Variants in ADAM12 observed in about 807,000 individuals in gnomAD.
The protein encoded by ADAM12 is disintegrin and metalloproteinase domain-containing protein 12.
ADAM12 carries 70 observed loss-of-function variants against 106.4 expected under a neutral mutation model. The ratio of observed to expected loss-of-function variants is 0.66; its 90% CI spans 0.54 to 0.80. The LOEUF (loss-of-function observed/expected upper bound fraction) is 0.80, where lower values mean the gene tolerates loss of function less well. Among genes scored for constraint, ADAM12 ranks in the 30% least tolerant of loss-of-function variants. The pLI is 0.00. For synonymous variants in ADAM12, 420 were observed against 433.5 expected (o/e 0.97, Z 0.39); for missense variants, 1,010 against 1,171.9 (o/e 0.86, Z 2.02).
At chr10:126,290,117 G>A (rs1339483582) in intron 2 of ADAM12, among the ~76,000 whole-genome samples, 1 of 152,172 alleles carries the variant, frequency 6.6e-6, no homozygotes, top group Non-Finnish European at 1.5e-5. Flanking sequence ...TGCTTACTCT[G>A]AAGGTGCCAG....
In ADAM12 at chr10:126,273,640, G is replaced by A. The variant is rs182364478; in HGVS notation, c.260+5275C>T. ...GGACCAGCCTGGCGTGTCTGTTCCA[G>A]GTCTTGTGAGCATTGAGATGTTTGG... On this transcript the variant is annotated intron_variant, in intron 3 of 22. Transcript: ENST00000448723. 1.3e-3 allele frequency among the ~76,000 whole-genome samples: 198 copies of A among 152,280 alleles called. 1 individual carries two copies. Among genetic ancestry groups the A allele is most frequent in the African/African-American group, 4.6e-3 (190 of 41,570 alleles).
chr10:126,312,888 C>T (rs898746052), intron 2 of ADAM12, among the ~76,000 whole-genome samples: 6 of 152,212 alleles, frequency 3.9e-5, no homozygotes, highest in African/African-American at 1.4e-4. Context: ...ATCGCCAAAG[C>T]TAACAGGTAG....
chr10:126,180,704 T>A (rs1957297255), intron 3 of ADAM12, among the ~76,000 whole-genome samples: 1 of 152,226 alleles, frequency 6.6e-6, no homozygotes, highest in Non-Finnish European at 1.5e-5. Context: ...GCATTGGAAG[T>A]TATCGATCCT....
intron 1 of ADAM12, among the ~76,000 whole-genome samples, chr10:126,352,009 A>C (rs1294122473): frequency 6.6e-6 from 1 of 152,172 alleles, no homozygotes; most frequent in Non-Finnish European, 1.5e-5. Flanking sequence ...CTCCGGCCTC[A>C]AGCCTCAGAA....
chr10:126,384,989 G>T (rs765926025), intron 1 of ADAM12, among the ~76,000 whole-genome samples: 1 of 152,182 alleles, frequency 6.6e-6, no homozygotes, highest in Non-Finnish European at 1.5e-5. Flanking sequence ...TATAAGTTGG[G>T]GGTCCACAAC....
intron 11 of ADAM12, among the ~76,000 whole-genome samples, chr10:126,083,854 A>G (rs3781022): frequency 0.18 from 27,454 of 152,226 alleles, 3,264 homozygotes; most frequent in South Asian, 0.33. Flanking sequence ...GGCTCAAACG[A>G]TAGAACAGAA....
In ADAM12 at chr10:126,013,123, T is replaced by C. The variant is rs895310075; in HGVS notation, c.*4156A>G. On this transcript the variant is annotated 3_prime_UTR_variant, in exon 23 of 23. Coordinates refer to ENST00000448723, the MANE Select transcript of ADAM12 (RefSeq NM_001288973.2). The surrounding 1 kb of genome is among the most constrained non-coding windows in gnomAD (Gnocchi z 4.3). ...ATTATTGGATATTTTAACAATTTTA[T>C]AGTTATTCTTAATTTTTCTCATATG... 2 of 152,216 alleles carry C rather than the reference T, an allele frequency of 1.3e-5. No individual in the cohort carries two copies. The highest frequency in any genetic ancestry group is 2.4e-5 in the African/African-American group (1 of 41,444). The allele number at this position is 152,216 out of a possible 1,614,324, so 9.4% of individuals were successfully genotyped here.
chr10:126,173,745 G>A (rs1229877806), intron 3 of ADAM12, among the ~76,000 whole-genome samples: 1 of 152,010 alleles, frequency 6.6e-6, no homozygotes, highest in Non-Finnish European at 1.5e-5. Flanking sequence ...GAGGAGTATA[G>A]CAGAGTCTGC....
At chr10:126,197,941 C>A (rs565149569) in intron 3 of ADAM12, among the ~76,000 whole-genome samples, 11 of 152,224 alleles carry the variant, frequency 7.2e-5, no homozygotes, top group Admixed American at 2.6e-4. Context: ...ACATCACCTC[C>A]GTGAACTGCA....
chr10:126,083,409 G>C (rs913483642), intron 11 of ADAM12, among the ~76,000 whole-genome samples: 1 of 152,220 alleles, frequency 6.6e-6, no homozygotes, highest in African/African-American at 2.4e-5. Context: ...CAGGGCCTCT[G>C]GGCAGCCTCA....
intron 3 of ADAM12, among the ~76,000 whole-genome samples, chr10:126,251,119 C>G (rs1251859336): frequency 1.3e-5 from 2 of 152,196 alleles, no homozygotes; most frequent in Non-Finnish European, 2.9e-5. Context: ...GGGGTAGGAA[C>G]ATGACCAGAT....
At chr10:126,238,487 A>C (rs1043773705) in intron 3 of ADAM12, among the ~76,000 whole-genome samples, 8 of 152,206 alleles carry the variant, frequency 5.3e-5, no homozygotes, top group Admixed American at 5.2e-4. Context: ...TCAAACAAAC[A>C]AACAAACAAA....
chr10:126,149,565 C>T (rs894228166), intron 4 of ADAM12, among the ~76,000 whole-genome samples: 2 of 152,164 alleles, frequency 1.3e-5, no homozygotes, highest in Non-Finnish European at 2.9e-5. Flanking sequence ...GAGGCCCACC[C>T]GTCCTCAATC....
At chr10:126,149,347 G>A (rs1026542391) in intron 4 of ADAM12, among the ~76,000 whole-genome samples, 3 of 152,174 alleles carry the variant, frequency 2.0e-5, no homozygotes, top group Admixed American at 2.0e-4. Flanking sequence ...CCTGGCAGTT[G>A]TTGAACCCCT....
intron 6 of ADAM12, among the ~76,000 whole-genome samples, chr10:126,116,656 GGTT>G (rs1436333779): frequency 6.6e-6 from 1 of 151,972 alleles, no homozygotes; most frequent in African/African-American, 2.4e-5. Flanking sequence ...ACGAAAAAGA[GGTT>G]GTGAGCACCT....
chr10:126,267,403 T>C (rs1365064333), intron 3 of ADAM12, among the ~76,000 whole-genome samples: 1 of 152,174 alleles, frequency 6.6e-6, no homozygotes, highest in Non-Finnish European at 1.5e-5. Context: ...AATGAAATAA[T>C]TATACAACTC....
chr10:126,258,267 C>T (rs1461091648), intron 3 of ADAM12, among the ~76,000 whole-genome samples: 1 of 152,194 alleles, frequency 6.6e-6, no homozygotes, highest in Non-Finnish European at 1.5e-5. Flanking sequence ...TCATTAGAGT[C>T]TGAGTCATCT....
At chr10:126,144,722 T>C (rs1956593370) in intron 4 of ADAM12, among the ~76,000 whole-genome samples, 1 of 152,196 alleles carries the variant, frequency 6.6e-6, no homozygotes, top group African/African-American at 2.4e-5. Flanking sequence ...TCCCAGCTTC[T>C]CATCTGTTCT....
chr10:126,229,885 C>T (rs1784323093), intron 3 of ADAM12, among the ~76,000 whole-genome samples: 1 of 152,186 alleles, frequency 6.6e-6, no homozygotes. Context: ...TGAAGACTCT[C>T]AAGGCCCTTG....
Sources: allele counts gnomAD v4.1 joint callset (sites outside exome capture counted in the v4.1 genomes callset), GRCh38; gene constraint gnomAD v4.1.1; non-coding constraint Gnocchi (gnomAD v3.1); transcripts MANE v1.5; gene names NCBI Gene and HGNC (gene_info 2026-07-23, HGNC 2026-07-21).